The following TTL variants were observed in gnomAD, a reference collection of about 807,000 sequenced individuals.
TTL encodes tubulin tyrosine ligase, also known as tubulin--tyrosine ligase.
Under a neutral mutation model 41.1 loss-of-function variants are expected in TTL, and 10 were observed. The ratio of observed to expected loss-of-function variants is 0.24; its 90% CI spans 0.15 to 0.41. The LOEUF (loss-of-function observed/expected upper bound fraction) is 0.41. Ranked by LOEUF, TTL falls within the 10% of genes least tolerant of loss-of-function variation. The probability of loss-of-function intolerance (pLI) is 1.00; values close to 1 mark genes in which losing one functional copy is unlikely to be tolerated. For missense variants in TTL, 367 were observed against 460.4 expected (o/e 0.80, Z 1.86); for synonymous variants, 175 against 175.5 (o/e 1.00, Z 0.02).
chr2:112,527,951 C>G (rs1266430443), intron 6 of TTL, among the ~76,000 whole-genome samples: 1 of 152,106 alleles, frequency 6.6e-6, no homozygotes, highest in African/African-American at 2.4e-5. Context: ...TGGCTGGTAC[C>G]AGTTGTTCCT....
At position 112,503,625 on chromosome 2, in the gene TTL, G is replaced by C. The variant is rs369033085; in HGVS notation, c.875+444G>C. Among the ~76,000 whole-genome samples the C allele has an allele frequency of 1.7e-3, 236 of 137,878 alleles. 10 individuals carry two copies. The South Asian group carries it at 0.055, about 32-fold the overall frequency. 90.5% of individuals were successfully genotyped at this position (137,878 alleles called of 152,430 possible). ...ATTTTGTACTTTTAGTAGAGACAGG[G>C]TTTCTCCATGTTGGTCAGTCTGGTC... is the stretch of plus-strand genomic sequence containing the variant. On this transcript the variant is annotated intron_variant, in intron 5 of 6. Coordinates refer to ENST00000233336, the MANE Select transcript of TTL (RefSeq NM_153712.5).
At position 112,509,366 on chromosome 2, in the gene TTL, T is replaced by C. The variant is rs567035108; in HGVS notation, c.875+6185T>C. 2.0e-4 allele frequency among the ~76,000 whole-genome samples: 31 copies of C among 152,150 alleles called. No individual in the cohort carries two copies. The South Asian group carries it at 6.4e-3, about 32-fold the overall frequency. On this transcript the variant is annotated intron_variant, in intron 5 of 6. Coordinates refer to ENST00000233336, the MANE Select transcript of TTL (RefSeq NM_153712.5). ...ACCCAGTTCGAGCTTCCTGGCTGCT[T>C]TGTTTACCTAATCAAGCCTGGGCAA...
chr2:112,485,869 T>C (rs373247563), intron 1 of TTL, 48 bp from the exon 2 acceptor site: 1 of 1,534,268 alleles, frequency 6.5e-7, no homozygotes, highest in South Asian at 1.1e-5. Flanking sequence ...TCCTCTCTCC[T>C]GCTTGCTGTG....
chr2:112,525,474 C>A (rs140956168), intron 6 of TTL, among the ~76,000 whole-genome samples: 1 of 152,010 alleles, frequency 6.6e-6, no homozygotes, highest in African/African-American at 2.4e-5. Context: ...CGTTGAGCAG[C>A]GGTTTGTAGT....
Position 112,537,984 on chromosome 2 carries a change from A to G in TTL, c.*9189A>G, listed in dbSNP as rs533058083. ...CATGCTAGGCCATAAAACAAGTCTC[A>G]GTAAATTTAAAAGAATTGAAATTAT... On this transcript the variant is annotated 3_prime_UTR_variant, in exon 7 of 7. Coordinates refer to ENST00000233336, the MANE Select transcript of TTL (RefSeq NM_153712.5). The G allele has an allele frequency of 1.1e-4, 17 of 152,396 alleles. No individual in the cohort carries two copies. The highest frequency in any genetic ancestry group is 8.3e-4 in the South Asian group (4 of 4,832). The allele number at this position is 152,396 out of a possible 1,614,324, so 9.4% of individuals were successfully genotyped here. A position where few individuals can be genotyped will look rare whatever the true frequency, so the allele number is the denominator to read the frequency against.
At chr2:112,488,113 G>C (rs898669936) in intron 2 of TTL, among the ~76,000 whole-genome samples, 2 of 152,116 alleles carry the variant, frequency 1.3e-5, no homozygotes, top group Middle Eastern at 3.2e-3. Flanking sequence ...CCTTCCCCCT[G>C]TCACTTCAGG....
At chr2:112,510,436 G>C (rs553323926) in intron 5 of TTL, among the ~76,000 whole-genome samples, 7 of 151,822 alleles carry the variant, frequency 4.6e-5, no homozygotes, top group Non-Finnish European at 1.5e-5. Flanking sequence ...GCCTATTCCA[G>C]TTTTTAAGGT....
chr2:112,500,546 G>A (rs1209675272), intron 3 of TTL, among the ~76,000 whole-genome samples: 1 of 152,108 alleles, frequency 6.6e-6, no homozygotes, highest in African/African-American at 2.4e-5. Flanking sequence ...ACTCCATCCT[G>A]GGCGACAGAG....
chr2:112,485,970 C>A lies in TTL; in HGVS notation c.211C>A (p.Leu71Met). The A allele has an allele frequency of 6.2e-7, 1 of 1,614,200 alleles. No homozygotes were observed. Among genetic ancestry groups the A allele is most frequent in the Non-Finnish European group, 8.5e-7 (1 of 1,180,030 alleles). ...GAATTACTACAGGGGTGCTGACAAA[C>A]TGTGTCGCAAAGCTTCTTTAGTGAA... ...LVNYYRGADKLCRKASLVKLI... is the reference protein window; with the variant it reads ...LVNYYRGADKMCRKASLVKLI... The change falls in exon 2 of 7, where the codon CTG (leucine) becomes ATG (methionine). Residue 71 changes from leucine to methionine, a missense_variant. Leu to Met is a conservative substitution (Grantham distance 15). Transcript: ENST00000233336.
Position 112,533,224 on chromosome 2 carries a change from CA to C in TTL, c.*4430del, listed in dbSNP as rs1682543952. 4.6e-5 allele frequency: 7 copies of C among 152,422 alleles called. No individual in the cohort carries two copies. The South Asian group carries it at 1.4e-3, about 32-fold the overall frequency. The allele number at this position is 152,422 out of a possible 1,614,324, so 9.4% of individuals were successfully genotyped here. ...TAGGCACTCCACTCCAAACAGGTTTCACATACACTATGACACATTCCCAGTG... is the reference window on the plus strand; with the variant it reads ...TAGGCACTCCACTCCAAACAGGTTTCCATACACTATGACACATTCCCAGTG... On this transcript the variant is annotated 3_prime_UTR_variant, in exon 7 of 7. Coordinates refer to ENST00000233336, the MANE Select transcript of TTL (RefSeq NM_153712.5).
intron 2 of TTL, among the ~76,000 whole-genome samples, chr2:112,488,154 G>A (rs1207457522): frequency 3.3e-5 from 5 of 152,174 alleles, no homozygotes; most frequent in Non-Finnish European, 7.3e-5. Context: ...AGGCCTCAAG[G>A]CCATAGTCTT....
At position 112,503,807 on chromosome 2, in the gene TTL, T is replaced by TC. The variant is rs1428858071; in HGVS notation, c.875+626_875+627insC. On this transcript the variant is annotated intron_variant, in intron 5 of 6. Coordinates refer to ENST00000233336, the MANE Select transcript of TTL (RefSeq NM_153712.5). ...CTCATTCTTTTATCCGTAAACTTCT[T>TC]TTTTTTTTTTTTTTTTTTATTATAC... Among the ~76,000 whole-genome samples, 257 of 60,932 alleles carry TC rather than the reference T, an allele frequency of 4.2e-3. 1 individual carries two copies. The highest frequency in any genetic ancestry group is 6.0e-3 in the Non-Finnish European group (159 of 26,334). The allele number at this position is 60,932 out of a possible 152,430, so 40.0% of individuals were successfully genotyped here. A position where few individuals can be genotyped will look rare whatever the true frequency, so the allele number is the denominator to read the frequency against.
chr2:112,527,442 G>C (rs978567789), intron 6 of TTL, among the ~76,000 whole-genome samples: 1 of 152,154 alleles, frequency 6.6e-6, no homozygotes, highest in African/African-American at 2.4e-5. Flanking sequence ...TATTGTGTAG[G>C]AGTCTAAGTC....
rs1157460645 is a variant in TTL, at chr2:112,541,119, G to T, written c.*12324G>T. The T allele has an allele frequency of 6.6e-6, 1 of 151,970 alleles. No homozygotes were observed. Among genetic ancestry groups the T allele is most frequent in the African/African-American group, 2.4e-5 (1 of 41,370 alleles). The allele number at this position is 151,970 out of a possible 1,614,324, so 9.4% of individuals were successfully genotyped here. ...AACATCTCATATACCTCATAAATATGCTAATTATGTACCCATAAATTTTTT... is the reference window on the plus strand; with the variant it reads ...AACATCTCATATACCTCATAAATATTCTAATTATGTACCCATAAATTTTTT... On this transcript the variant is annotated 3_prime_UTR_variant, in exon 7 of 7. Transcript: ENST00000233336.
intron 4 of TTL, among the ~76,000 whole-genome samples, chr2:112,502,391 C>G (rs576994750): frequency 3.0e-4 from 45 of 152,172 alleles, no homozygotes; most frequent in African/African-American, 1.1e-3. Context: ...AATCCCAGCA[C>G]TTTGAGAGGC....
chr2:112,493,054 T>C (rs976738178), intron 2 of TTL, among the ~76,000 whole-genome samples: 1 of 152,228 alleles, frequency 6.6e-6, no homozygotes, highest in Non-Finnish European at 1.5e-5. Context: ...TAAAAATTTA[T>C]TTATTTTGTT....
At chr2:112,518,564 T>C (rs1682135150) in intron 5 of TTL, among the ~76,000 whole-genome samples, 1 of 152,056 alleles carries the variant, frequency 6.6e-6, no homozygotes, top group Non-Finnish European at 1.5e-5. Context: ...TGGCTCCAAG[T>C]TCACAAAGGC....
rs931284529 is a variant in TTL at position 112,534,713 on chromosome 2, A to G, written c.*5918A>G. Reference sequence around the variant, plus strand: ...CTAAGGTGGCTGTAACAGTTGGAACAAACAAACTGACCAAAAGACTTAGAA... The same window carrying G: ...CTAAGGTGGCTGTAACAGTTGGAACGAACAAACTGACCAAAAGACTTAGAA... On this transcript the variant is annotated 3_prime_UTR_variant, in exon 7 of 7. Coordinates refer to ENST00000233336, the MANE Select transcript of TTL (RefSeq NM_153712.5). 2 of 152,236 alleles carry G rather than the reference A, an allele frequency of 1.3e-5. No individual in the cohort carries two copies. The highest frequency in any genetic ancestry group is 4.8e-5 in the African/African-American group (2 of 41,468). The allele number at this position is 152,236 out of a possible 1,614,324, so 9.4% of individuals were successfully genotyped here. A position where few individuals can be genotyped will look rare whatever the true frequency, so the allele number is the denominator to read the frequency against.
chr2:112,485,771 G>A (rs1167077621), intron 1 of TTL, 146 bp from the exon 2 acceptor site: 2 of 720,494 alleles, frequency 2.8e-6, no homozygotes, highest in South Asian at 1.8e-5. Flanking sequence ...AGGGTCCCTG[G>A]GGACAGAGAA....
Sources: allele counts gnomAD v4.1 joint callset (sites outside exome capture counted in the v4.1 genomes callset), GRCh38; gene constraint gnomAD v4.1.1; transcripts MANE v1.5; gene names NCBI Gene and HGNC (gene_info 2026-07-23, HGNC 2026-07-21).